The following MTCL3 variants were observed in gnomAD, a reference collection of about 807,000 sequenced individuals.
MTCL3 encodes microtubule cross-linking factor 3.
At chr6:127,473,965 T>G in the MTCL3 span, among the ~76,000 whole-genome samples, 3 of 152,210 alleles carry the variant, frequency 2.0e-5, no homozygotes, top group Non-Finnish European at 4.4e-5. Context: ...ATTCATCCGG[T>G]GTGCCTCTAC....
At chr6:127,487,094 G>A in the MTCL3 span, among the ~76,000 whole-genome samples, 1 of 152,154 alleles carries the variant, frequency 6.6e-6, no homozygotes, top group Non-Finnish European at 1.5e-5. Context: ...CATTCAGACT[G>A]ACAACAGACT....
chr6:127,475,189 C>G, the MTCL3 span: 3 of 1,295,304 alleles, frequency 2.3e-6, no homozygotes, highest in Non-Finnish European at 3.1e-6. This position sits in a 1 kb window ranked among gnomAD's most constrained non-coding sequence, Gnocchi z 7.3. Flanking sequence ...CGGGGGCTTC[C>G]CTCAAGCGGG....
the MTCL3 span, among the ~76,000 whole-genome samples, chr6:127,502,861 C>G: frequency 6.6e-6 from 1 of 152,148 alleles, no homozygotes; most frequent in Admixed American, 6.5e-5. Flanking sequence ...TATTACGTGA[C>G]TTATCTGAAG....
At chr6:127,483,016 T>C in the MTCL3 span, 1 of 1,506,868 alleles carries the variant, frequency 6.6e-7, no homozygotes, top group Non-Finnish European at 9.1e-7. Flanking sequence ...TTTAGTTGGA[T>C]AAACTATAAT....
chr6:127,475,460 T>C, the MTCL3 span: 1 of 1,613,466 alleles, frequency 6.2e-7, no homozygotes. The surrounding 1 kb of genome is among the most constrained non-coding windows in gnomAD (Gnocchi z 7.3). Context: ...TCCTCGTCCA[T>C]GAGTCCGAAC....
the MTCL3 span, among the ~76,000 whole-genome samples, chr6:127,488,552 T>G: frequency 6.6e-6 from 1 of 152,206 alleles, no homozygotes; most frequent in East Asian, 1.9e-4. Flanking sequence ...CTTTATTTCT[T>G]ACCTAGATTT....
the MTCL3 span, among the ~76,000 whole-genome samples, chr6:127,492,092 G>T: frequency 3.9e-5 from 6 of 152,148 alleles, no homozygotes. Context: ...TCCATGAAAA[G>T]TCATGTGGCC....
At chr6:127,473,579 T>G in the MTCL3 span, among the ~76,000 whole-genome samples, 11 of 152,226 alleles carry the variant, frequency 7.2e-5, no homozygotes, top group Non-Finnish European at 1.3e-4. Context: ...ATTTCTATTA[T>G]TTTCCCTAAG....
At chr6:127,518,317 A>T in the MTCL3 span, among the ~76,000 whole-genome samples, 1 of 152,238 alleles carries the variant, frequency 6.6e-6, no homozygotes, top group Admixed American at 6.5e-5. Flanking sequence ...CAATGTTTAA[A>T]CTCAGCCCTC....
the MTCL3 span, among the ~76,000 whole-genome samples, chr6:127,474,565 A>G: frequency 6.6e-6 from 1 of 151,942 alleles, no homozygotes; most frequent in Non-Finnish European, 1.5e-5. Context: ...CCCTGCCATC[A>G]ATTCTGTTTT....
chr6:127,492,516 G>A, the MTCL3 span, among the ~76,000 whole-genome samples: 1 of 151,930 alleles, frequency 6.6e-6, no homozygotes, highest in Non-Finnish European at 1.5e-5. Flanking sequence ...CCACTATTTT[G>A]ATTCCAGAAA....
At chr6:127,476,085 C>G in the MTCL3 span, 2 of 1,613,832 alleles carry the variant, frequency 1.2e-6, no homozygotes, top group African/African-American at 2.7e-5. The surrounding 1 kb of genome is among the most constrained non-coding windows in gnomAD (Gnocchi z 4.4). Context: ...GCTGCAGGTG[C>G]TGCCGCAGCT....
chr6:127,512,805 AT>A, the MTCL3 span: 2 of 1,326,436 alleles, frequency 1.5e-6, no homozygotes, highest in Non-Finnish European at 1.0e-6. Context: ...CATAAAAGAA[AT>A]TTTTTAACAG....
the MTCL3 span, among the ~76,000 whole-genome samples, chr6:127,478,887 T>C: frequency 2.6e-5 from 4 of 151,616 alleles, no homozygotes; most frequent in Admixed American, 1.3e-4. Flanking sequence ...CATGGTGGCA[T>C]GCGCCTGTAG....
chr6:127,515,555 C>T, the MTCL3 span: 1 of 1,470,570 alleles, frequency 6.8e-7, no homozygotes, highest in Admixed American at 2.8e-5. The surrounding 1 kb of genome is among the most constrained non-coding windows in gnomAD (Gnocchi z 4.3). Context: ...TCCATCTCCT[C>T]TTGCATTTCT....
the MTCL3 span, chr6:127,516,787 G>T: frequency 8.7e-7 from 1 of 1,144,250 alleles, no homozygotes; most frequent in Non-Finnish European, 1.2e-6. Flanking sequence ...TTTGGATGGC[G>T]CTTAATAGAA....
chr6:127,485,282 G>A, the MTCL3 span, among the ~76,000 whole-genome samples: 4 of 151,372 alleles, frequency 2.6e-5, no homozygotes, highest in Admixed American at 2.0e-4. Context: ...TGAAGAGGAG[G>A]AAAAGGGAAA....
chr6:127,515,659 TG>T, the MTCL3 span: 1 of 1,497,000 alleles, frequency 6.7e-7, no homozygotes, highest in Non-Finnish European at 8.9e-7. This position sits in a 1 kb window ranked among gnomAD's most constrained non-coding sequence, Gnocchi z 4.3. Context: ...TGCGCTCTGC[TG>T]GGGGCCCTCC....
At chr6:127,513,909 G>A in the MTCL3 span, among the ~76,000 whole-genome samples, 2 of 152,224 alleles carry the variant, frequency 1.3e-5, no homozygotes, top group South Asian at 4.2e-4. Context: ...TTGCCACAGT[G>A]CTTAGTACAT....
Sources: allele counts gnomAD v4.1 joint callset (sites outside exome capture counted in the v4.1 genomes callset), GRCh38; gene constraint gnomAD v4.1.1; non-coding constraint Gnocchi (gnomAD v3.1); transcripts MANE v1.5; gene names NCBI Gene and HGNC (gene_info 2026-07-23, HGNC 2026-07-21).